KHDRBS2: variants seen among roughly 807,000 people sequenced by gnomAD.
KHDRBS2 encodes KH RNA binding domain containing, signal transduction associated 2.
KHDRBS2 carries 26 observed loss-of-function variants against 44.3 expected under a neutral mutation model. The ratio of observed to expected loss-of-function variants is 0.59; its 90% confidence interval spans 0.43 to 0.81. The LOEUF is 0.81. KHDRBS2 is among the 40% of genes least tolerant of loss of function. The probability of loss-of-function intolerance (pLI) is 0.00; values close to 1 mark genes in which losing one functional copy is unlikely to be tolerated. For synonymous variants in KHDRBS2, 194 were observed against 151.1 expected (o/e 1.28, Z -2.08); for missense variants, 476 against 433.1 (o/e 1.10, Z -0.88).
intron 3 of KHDRBS2, among the ~76,000 whole-genome samples, chr6:61,980,036 A>G (rs74926276): frequency 6.6e-6 from 1 of 152,150 alleles, no homozygotes; most frequent in African/African-American, 2.4e-5. Flanking sequence ...TCCTAGAGTG[A>G]CATGACTAGC....
intron 1 of KHDRBS2, among the ~76,000 whole-genome samples, chr6:62,181,785 C>T (rs1359763829): frequency 6.6e-6 from 1 of 151,854 alleles, no homozygotes; most frequent in Non-Finnish European, 1.5e-5. Flanking sequence ...GAATGGAACC[C>T]TCATGAATGA....
At chr6:62,226,112 CAAT>C (rs1225444878) in intron 1 of KHDRBS2, among the ~76,000 whole-genome samples, 1 of 152,174 alleles carries the variant, frequency 6.6e-6, no homozygotes, top group Admixed American at 6.5e-5. Flanking sequence ...GGAATTTCCA[CAAT>C]GTCTTCCACA....
chr6:62,248,223 C>T (rs1835927145), intron 1 of KHDRBS2, among the ~76,000 whole-genome samples: 1 of 150,724 alleles, frequency 6.6e-6, no homozygotes, highest in Non-Finnish European at 1.5e-5. Flanking sequence ...AAGAAAGAGA[C>T]AGTTACTAAC....
intron 2 of KHDRBS2, among the ~76,000 whole-genome samples, chr6:62,169,188 C>T (rs1464404270): frequency 1.4e-5 from 2 of 141,448 alleles, no homozygotes; most frequent in African/African-American, 5.2e-5. Context: ...TGTATATATA[C>T]GTATACATAT....
chr6:61,942,245 G>C (rs1287570780), intron 4 of KHDRBS2, among the ~76,000 whole-genome samples: 2 of 152,054 alleles, frequency 1.3e-5, no homozygotes, highest in Non-Finnish European at 2.9e-5. Flanking sequence ...ATAGGTGTGA[G>C]CCATCACACT....
chr6:62,097,919 T>C (rs1350342111), intron 2 of KHDRBS2, among the ~76,000 whole-genome samples: 1 of 152,074 alleles, frequency 6.6e-6, no homozygotes, highest in African/African-American at 2.4e-5. Context: ...TTATCATAAG[T>C]CTTACCAAAA....
At chr6:61,701,367 GA>G (rs1302290506) in intron 7 of KHDRBS2, among the ~76,000 whole-genome samples, 1 of 151,868 alleles carries the variant, frequency 6.6e-6, no homozygotes, top group East Asian at 1.9e-4. Flanking sequence ...GGCTTAACAG[GA>G]TACAGTGAAG....
chr6:61,926,505 C>A (rs1356361507), intron 4 of KHDRBS2, among the ~76,000 whole-genome samples: 2 of 151,906 alleles, frequency 1.3e-5, no homozygotes, highest in Non-Finnish European at 2.9e-5. Context: ...CAAAAACGGA[C>A]CAATTCAGAG....
rs536079109 is a variant in KHDRBS2, at chr6:62,106,906, A to T, written c.220-58912T>A. Reference sequence around the variant, plus strand: ...AAAATTCAACAACACTTCATGCTAAAAACTCTCAATAAATTAGGTATTGAT... The same window carrying T: ...AAAATTCAACAACACTTCATGCTAATAACTCTCAATAAATTAGGTATTGAT... On this transcript the variant is annotated intron_variant, in intron 2 of 8. Coordinates refer to ENST00000281156, the MANE Select transcript of KHDRBS2 (RefSeq NM_152688.4). Among the ~76,000 whole-genome samples, 67 of 152,116 alleles carry T rather than the reference A, an allele frequency of 4.4e-4. 1 individual carries two copies. Among genetic ancestry groups the T allele is most frequent in the Middle Eastern group, 3.4e-3 (1 of 292 alleles).
At chr6:61,623,697 G>A in the KHDRBS2 span, among the ~76,000 whole-genome samples, 1 of 152,200 alleles carries the variant, frequency 6.6e-6, no homozygotes, top group East Asian at 1.9e-4. Flanking sequence ...TAGGGTTCAT[G>A]TTACCCACCA....
chr6:61,609,678 G>T, the KHDRBS2 span, among the ~76,000 whole-genome samples: 1 of 152,178 alleles, frequency 6.6e-6, no homozygotes, highest in African/African-American at 2.4e-5. Context: ...CTAGAAAAGG[G>T]TTAATGAATT....
intron 3 of KHDRBS2, among the ~76,000 whole-genome samples, chr6:62,033,611 GATATAT>G: frequency 6.7e-6 from 1 of 150,374 alleles, no homozygotes; most frequent in African/African-American, 2.4e-5. Context: ...AGTATATCTG[GATATAT>G]ATATCCAGAT....
At chr6:61,785,031 C>G (rs1422561139) in intron 6 of KHDRBS2, among the ~76,000 whole-genome samples, 1 of 151,920 alleles carries the variant, frequency 6.6e-6, no homozygotes, top group Admixed American at 6.6e-5. Flanking sequence ...TGTCTGTAGT[C>G]CCCGCTACTC....
At chr6:61,881,455 G>T (rs951861670) in intron 6 of KHDRBS2, among the ~76,000 whole-genome samples, 3 of 151,892 alleles carry the variant, frequency 2.0e-5, no homozygotes, top group African/African-American at 7.3e-5. Flanking sequence ...AGGTAGTGAG[G>T]TCCATTAGAT....
intron 5 of KHDRBS2, among the ~76,000 whole-genome samples, chr6:61,897,236 A>G (rs1485896805): frequency 2.6e-5 from 4 of 152,166 alleles, no homozygotes; most frequent in Non-Finnish European, 5.9e-5. Flanking sequence ...ATCTCTGGAG[A>G]CAGGGAGCTC....
chr6:61,919,173 A>G (rs1335953209), intron 4 of KHDRBS2, among the ~76,000 whole-genome samples: 1 of 151,984 alleles, frequency 6.6e-6, no homozygotes, highest in Non-Finnish European at 1.5e-5. Flanking sequence ...GAAATTAGAA[A>G]GGAAATAAAA....
chr6:61,697,330 G>A (rs1768015993), intron 7 of KHDRBS2, 77 bp from the exon 8 acceptor site: 1 of 874,038 alleles, frequency 1.1e-6, no homozygotes, highest in Non-Finnish European at 2.0e-6. Flanking sequence ...GAATTTGAAG[G>A]CAAAATGTGT....
In KHDRBS2 at chr6:61,884,924, G is replaced by A. The variant is rs1445338112; in HGVS notation, c.810+9711C>T. 3.3e-5 allele frequency among the ~76,000 whole-genome samples: 5 copies of A among 151,730 alleles called. No homozygotes were observed. In the East Asian group the frequency reaches 7.7e-4, roughly 23 times the overall value. On this transcript the variant is annotated intron_variant, in intron 6 of 8. Coordinates refer to ENST00000281156, the MANE Select transcript of KHDRBS2 (RefSeq NM_152688.4). Reference sequence around the variant, plus strand: ...TCAGGGTGGGATGCAAAGTTTGTGGGGCCTCAAAATTATATAATTTTGCAT... The same window carrying A: ...TCAGGGTGGGATGCAAAGTTTGTGGAGCCTCAAAATTATATAATTTTGCAT...
At chr6:62,069,716 C>G (rs1275412234) in intron 2 of KHDRBS2, among the ~76,000 whole-genome samples, 13 of 151,716 alleles carry the variant, frequency 8.6e-5, no homozygotes, top group Non-Finnish European at 1.5e-4. Flanking sequence ...ACTGCAATAG[C>G]AACAAGGAGA....
Sources: gnomAD v4.1 joint callset for allele counts (sites outside exome capture counted in the v4.1 genomes callset) on GRCh38, gnomAD v4.1.1 for gene constraint, MANE v1.5 for transcripts, NCBI Gene and HGNC (gene_info 2026-07-23, HGNC 2026-07-21) for gene names.